The following PABPC4L variants were observed in gnomAD, a reference collection of about 807,000 sequenced individuals.
PABPC4L encodes polyadenylate-binding protein 4-like.
For synonymous variants in PABPC4L, 169 were observed against 164.1 expected (o/e 1.03, Z -0.23); for missense variants, 452 against 451.4 (o/e 1.00, Z -0.01).
rs1426836994 is a variant in PABPC4L, at chr4:134,198,458, G to A, written c.*1449C>T. On this transcript the variant is annotated 3_prime_UTR_variant, in exon 2 of 2. Coordinates refer to ENST00000421491, the MANE Select transcript of PABPC4L (RefSeq NM_001114734.2). ...AACAAATTTTTCTCATTCATAAGCT[G>A]AGGTATTGCCAAAAAATATTTTACT... 2 of 151,358 alleles carry A rather than the reference G, an allele frequency of 1.3e-5. No individual in the cohort carries two copies. Among genetic ancestry groups the A allele is most frequent in the African/African-American group, 4.8e-5 (2 of 41,316 alleles). 9.4% of individuals were successfully genotyped at this position (151,358 alleles called of 1,614,324 possible).
the PABPC4L span, among the ~76,000 whole-genome samples, chr4:134,155,353 C>T: frequency 6.6e-6 from 1 of 151,238 alleles, no homozygotes; most frequent in Non-Finnish European, 1.5e-5. Flanking sequence ...CCTTCTTTCT[C>T]TCCCCCAACA....
chr4:133,963,881 C>T, the PABPC4L span, among the ~76,000 whole-genome samples: 2 of 152,014 alleles, frequency 1.3e-5, no homozygotes, highest in African/African-American at 4.8e-5. Flanking sequence ...ACTGAAAAAG[C>T]ACAAACTGAC....
the PABPC4L span, among the ~76,000 whole-genome samples, chr4:134,005,058 TATA>T: frequency 2.0e-5 from 3 of 151,812 alleles, no homozygotes; most frequent in Non-Finnish European, 4.4e-5. Flanking sequence ...GCATGGTGAC[TATA>T]ATAATGATAA....
chr4:134,189,212 A>G, the PABPC4L span, among the ~76,000 whole-genome samples: 1 of 152,042 alleles, frequency 6.6e-6, no homozygotes, highest in East Asian at 1.9e-4. Context: ...TACTTTTTCC[A>G]TTAGAGCCCT....
the PABPC4L span, among the ~76,000 whole-genome samples, chr4:134,088,312 AGGGAAT>A: frequency 6.6e-6 from 1 of 152,116 alleles, no homozygotes; most frequent in Non-Finnish European, 1.5e-5. Context: ...GGTATCTCCA[AGGGAAT>A]GGTTCAAAAG....
the PABPC4L span, among the ~76,000 whole-genome samples, chr4:134,009,708 T>G: frequency 6.6e-6 from 1 of 151,986 alleles, no homozygotes; most frequent in Non-Finnish European, 1.5e-5. Context: ...TAGTAGAGTT[T>G]CAGATGTCAT....
At chr4:134,159,018 A>C in the PABPC4L span, among the ~76,000 whole-genome samples, 28 of 152,176 alleles carry the variant, frequency 1.8e-4, no homozygotes, top group Non-Finnish European at 3.2e-4. Flanking sequence ...AGCACGGTAA[A>C]AATAGAACAT....
the PABPC4L span, among the ~76,000 whole-genome samples, chr4:134,093,196 T>G: frequency 2.0e-5 from 3 of 151,640 alleles, 1 homozygote; most frequent in Non-Finnish European, 4.4e-5. Context: ...CTAACATTAA[T>G]TTTTCATTTA....
At chr4:134,153,891 A>G in the PABPC4L span, among the ~76,000 whole-genome samples, 1 of 120,166 alleles carries the variant, frequency 8.3e-6, no homozygotes, top group Non-Finnish European at 1.6e-5. Context: ...AGCTTTTGCT[A>G]CTTTCTGCAT....
the PABPC4L span, among the ~76,000 whole-genome samples, chr4:134,050,867 T>G: frequency 7.3e-6 from 1 of 136,962 alleles, no homozygotes; most frequent in African/African-American, 2.7e-5. Context: ...TCAGAACATC[T>G]ATATTGACCT....
At chr4:134,005,427 A>G in the PABPC4L span, among the ~76,000 whole-genome samples, 1 of 151,902 alleles carries the variant, frequency 6.6e-6, no homozygotes, top group African/African-American at 2.4e-5. Context: ...TTGTGATCAG[A>G]TTTATACTTT....
chr4:134,153,993 G>A, the PABPC4L span, among the ~76,000 whole-genome samples: 8 of 151,678 alleles, frequency 5.3e-5, no homozygotes, highest in Admixed American at 4.6e-4. Context: ...AAAGGAAGGT[G>A]GTGAATCCTG....
the PABPC4L span, among the ~76,000 whole-genome samples, chr4:134,047,005 T>A: frequency 6.6e-6 from 1 of 152,164 alleles, no homozygotes; most frequent in Non-Finnish European, 1.5e-5. Flanking sequence ...CACTGGCTGG[T>A]TTATAATTAC....
the PABPC4L span, among the ~76,000 whole-genome samples, chr4:133,949,486 GCT>G: frequency 5.9e-5 from 9 of 152,116 alleles, no homozygotes; most frequent in African/African-American, 9.7e-5. Flanking sequence ...CAGTGAAGGG[GCT>G]CTCTCATAGT....
the PABPC4L span, among the ~76,000 whole-genome samples, chr4:134,182,179 G>C: frequency 6.6e-6 from 1 of 151,776 alleles, no homozygotes; most frequent in African/African-American, 2.4e-5. Flanking sequence ...AAAGAAAAAA[G>C]CTGAAAGCAT....
the PABPC4L span, among the ~76,000 whole-genome samples, chr4:134,073,559 TC>T: frequency 4.1e-5 from 6 of 144,710 alleles, no homozygotes; most frequent in Admixed American, 1.4e-4. Flanking sequence ...GTGGTTCTTT[TC>T]TCACAGCTCC....
At chr4:134,071,811 G>A in the PABPC4L span, among the ~76,000 whole-genome samples, 7 of 152,130 alleles carry the variant, frequency 4.6e-5, no homozygotes. Flanking sequence ...GAAATTCTAA[G>A]CATTTAATGA....
At chr4:134,185,834 A>C in the PABPC4L span, among the ~76,000 whole-genome samples, 1 of 152,194 alleles carries the variant, frequency 6.6e-6, no homozygotes, top group Non-Finnish European at 1.5e-5. Flanking sequence ...CAACTTCAGC[A>C]AAGTCTCAGA....
chr4:134,191,947 G>T (rs181817656), downstream of PABPC4L, among the ~76,000 whole-genome samples: 92 of 151,958 alleles, frequency 6.1e-4, no homozygotes, highest in African/African-American at 2.1e-3. Context: ...AAAAGTGAAT[G>T]AAGCCAAAAC....
Sources: gnomAD v4.1 joint callset for allele counts (sites outside exome capture counted in the v4.1 genomes callset) on GRCh38, gnomAD v4.1.1 for gene constraint, MANE v1.5 for transcripts, NCBI Gene and HGNC (gene_info 2026-07-23, HGNC 2026-07-21) for gene names.